Variants in CRYBG1 observed in about 807,000 individuals in gnomAD.
The protein encoded by CRYBG1 is crystallin beta-gamma domain containing 1, also known as beta/gamma crystallin domain-containing protein 1.
In CRYBG1, 139 loss-of-function variants were observed where a neutral mutation model predicts 189.2. The ratio of observed to expected loss-of-function variants is 0.73; its 90% CI spans 0.64 to 0.85. CRYBG1 has a LOEUF of 0.85. Ranked by LOEUF, CRYBG1 falls within the 40% of genes least tolerant of loss-of-function variation. CRYBG1 has a pLI of 0.00. For synonymous variants in CRYBG1, 1,023 were observed against 1,017.1 expected (o/e 1.01, Z -0.11); for missense variants, 2,611 against 2,675.8 (o/e 0.98, Z 0.53).
At chr6:106,522,622 C>A (rs1773635689) in intron 4 of CRYBG1, among the ~76,000 whole-genome samples, 1 of 152,142 alleles carries the variant, frequency 6.6e-6, no homozygotes, top group Non-Finnish European at 1.5e-5. Flanking sequence ...AGGCTAGAAA[C>A]CTGAGTAGGG....
At chr6:106,457,750 G>A (rs573341640) in intron 2 of CRYBG1, among the ~76,000 whole-genome samples, 1 of 152,268 alleles carries the variant, frequency 6.6e-6, no homozygotes, top group South Asian at 2.1e-4. Flanking sequence ...CTATCCACAT[G>A]GGTAGATCTA....
chr6:106,429,405 A>G (rs968357242), intron 1 of CRYBG1, among the ~76,000 whole-genome samples: 3 of 152,210 alleles, frequency 2.0e-5, no homozygotes, highest in Non-Finnish European at 4.4e-5. Flanking sequence ...ATATATATAT[A>G]TATAATTCTA....
intron 1 of CRYBG1, among the ~76,000 whole-genome samples, chr6:106,447,547 A>AATATATATATATATATATATATATATAT (rs59943398): frequency 3.0e-4 from 43 of 141,050 alleles, no homozygotes; most frequent in East Asian, 1.5e-3. Context: ...GTACCTCATA[A>AATATATATATATATATATATATATATAT]ATATATATAT....
At chr6:106,480,550 C>A (rs990550522) in intron 2 of CRYBG1, among the ~76,000 whole-genome samples, 1 of 151,770 alleles carries the variant, frequency 6.6e-6, no homozygotes, top group Non-Finnish European at 1.5e-5. Context: ...ACCTGTAGTC[C>A]CAGCTACTTA....
At chr6:106,399,094 A>C (rs1420890456) in intron 1 of CRYBG1, among the ~76,000 whole-genome samples, 1 of 152,232 alleles carries the variant, frequency 6.6e-6, no homozygotes, top group Non-Finnish European at 1.5e-5. Flanking sequence ...GCATAGTAGA[A>C]GGTAACAAAT....
At chr6:106,364,386 T>C (rs1771941507) in intron 1 of CRYBG1, among the ~76,000 whole-genome samples, 1 of 152,324 alleles carries the variant, frequency 6.6e-6, no homozygotes, top group African/African-American at 2.4e-5. Flanking sequence ...TTAAAGTTTA[T>C]TAAAGTCAGA....
chr6:106,569,870 A>T lies in CRYBG1; in HGVS notation c.*1304A>T, dbSNP rs780278329. 6.6e-6 allele frequency: 1 copy of T among 152,172 alleles called. No homozygotes were observed. Among genetic ancestry groups the T allele is most frequent in the African/African-American group, 2.4e-5 (1 of 41,442 alleles). The allele number at this position is 152,172 out of a possible 1,614,324, so 9.4% of individuals were successfully genotyped here. A position where few individuals can be genotyped will look rare whatever the true frequency, so the allele number is the denominator to read the frequency against. ...AACGAGGTGTGAAAGGCTCAAGAGGATGACCAGCAATTAATTATCCCCAGA... is the reference window on the plus strand; with the variant it reads ...AACGAGGTGTGAAAGGCTCAAGAGGTTGACCAGCAATTAATTATCCCCAGA... On this transcript the variant is annotated 3_prime_UTR_variant, in exon 22 of 22. Transcript: ENST00000633556.
intron 1 of CRYBG1, among the ~76,000 whole-genome samples, chr6:106,445,224 T>C (rs1012445309): frequency 3.3e-5 from 5 of 152,230 alleles, no homozygotes; most frequent in Non-Finnish European, 7.3e-5. Flanking sequence ...AAAACTCGAA[T>C]GAGCATAGCA....
chr6:106,527,029 A>T (rs1773755429), intron 6 of CRYBG1, among the ~76,000 whole-genome samples: 1 of 151,018 alleles, frequency 6.6e-6, no homozygotes. Context: ...AGTCTCTACC[A>T]CTTGGCAATT....
intron 13 of CRYBG1, 51 bp from the exon 14 acceptor site, chr6:106,551,801 G>GT: frequency 6.4e-7 from 1 of 1,572,188 alleles, no homozygotes; most frequent in Middle Eastern, 1.7e-4. Flanking sequence ...ATATGTGATC[G>GT]TTTTATATGT....
At chr6:106,421,815 G>T (rs1771128400) in intron 1 of CRYBG1, among the ~76,000 whole-genome samples, 5 of 152,128 alleles carry the variant, frequency 3.3e-5, no homozygotes, top group Admixed American at 3.3e-4. Context: ...GTTCCACTTG[G>T]CTGGGGAAGC....
Position 106,512,505 on chromosome 6 carries a change from C to T in CRYBG1, c.1388C>T (p.Ala463Val), listed in dbSNP as rs1348331015. 6.8e-6 allele frequency: 11 copies of T among 1,610,876 alleles called. No individual in the cohort carries two copies. Among genetic ancestry groups the T allele is most frequent in the East Asian group, 2.2e-5 (1 of 44,804 alleles). The change falls in exon 3 of 22, where the codon GCG (alanine) becomes GTG (valine). Residue 463 changes from alanine to valine, a missense_variant. Physicochemically the swap from Ala to Val is moderately conservative, Grantham distance 64 (BLOSUM62 0). Around this residue, in one of 3 missense-constraint regions of CRYBG1, gnomAD observed 985 missense variants for 924.4 expected, o/e 1.07. Transcript: ENST00000633556. ...AACGCGGCCAGCGATAACGCCTCGG[C>T]GGAAAAGAAAGTGAAATCTCCGCGG... ...APNAASDNASAEKKVKSPRAA... is the reference protein window; with the variant it reads ...APNAASDNASVEKKVKSPRAA...
intron 4 of CRYBG1, among the ~76,000 whole-genome samples, chr6:106,523,902 A>C (rs1187524347): frequency 6.6e-6 from 1 of 151,854 alleles, no homozygotes; most frequent in Non-Finnish European, 1.5e-5. Context: ...CAGCTAATTT[A>C]TGTATTTTTA....
At chr6:106,518,775 T>C (rs980412584) in intron 3 of CRYBG1, among the ~76,000 whole-genome samples, 3 of 151,986 alleles carry the variant, frequency 2.0e-5, no homozygotes, top group African/African-American at 7.3e-5. Context: ...CTGGGTGACA[T>C]AGACCCCATT....
intron 2 of CRYBG1, among the ~76,000 whole-genome samples, chr6:106,475,265 C>A (rs1048992711): frequency 6.6e-6 from 1 of 152,132 alleles, no homozygotes; most frequent in Non-Finnish European, 1.5e-5. Context: ...CCACAGAGGG[C>A]AGATTTTTAG....
Position 106,517,371 on chromosome 6 carries a change from C to T in CRYBG1, c.1923-1760C>T, listed in dbSNP as rs143688957. Among the ~76,000 whole-genome samples, 704 of 91,364 alleles carry T rather than the reference C, an allele frequency of 7.7e-3. 23 individuals are homozygous for T. Among genetic ancestry groups the T allele is most frequent in the African/African-American group, 0.03 (673 of 22,442 alleles). 59.9% of individuals were successfully genotyped at this position (91,364 alleles called of 152,430 possible). A position where few individuals can be genotyped will look rare whatever the true frequency, so the allele number is the denominator to read the frequency against. ...ACACATATATATATACACATATATA[C>T]ACACACACATATACACACATATATA... On this transcript the variant is annotated intron_variant, in intron 3 of 21. Coordinates refer to ENST00000633556, the MANE Select transcript of CRYBG1 (RefSeq NM_001371242.2).
chr6:106,441,552 G>A (rs1181885004), intron 1 of CRYBG1, among the ~76,000 whole-genome samples: 1 of 152,134 alleles, frequency 6.6e-6, no homozygotes, highest in Non-Finnish European at 1.5e-5. Context: ...TTAAATTAGA[G>A]TTCTCTTTTG....
chr6:106,493,053 A>G (rs561012863), intron 2 of CRYBG1, among the ~76,000 whole-genome samples: 4 of 152,174 alleles, frequency 2.6e-5, no homozygotes, highest in African/African-American at 9.6e-5. Context: ...AGAAAATTAC[A>G]GAAGAGTTTA....
At chr6:106,405,343 C>T (rs1441449317) in intron 1 of CRYBG1, among the ~76,000 whole-genome samples, 2 of 152,238 alleles carry the variant, frequency 1.3e-5, no homozygotes, top group African/African-American at 4.8e-5. Context: ...GATTCCTCCT[C>T]TCTGGGCAGG....
Sources: allele counts gnomAD v4.1 joint callset (sites outside exome capture counted in the v4.1 genomes callset), GRCh38; gene constraint gnomAD v4.1.1; regional missense constraint gnomAD v4.1.1; transcripts MANE v1.5; gene names NCBI Gene and HGNC (gene_info 2026-07-23, HGNC 2026-07-21).